MSANTD1: variants seen among roughly 807,000 people sequenced by gnomAD.
MSANTD1 encodes Myb/SANT DNA binding domain containing 1, also known as myb/SANT-like DNA-binding domain-containing protein 1.
MSANTD1 carries 7 observed loss-of-function variants against 24.2 expected under a neutral mutation model. That is an observed-to-expected ratio of 0.29 (90% CI 0.16 to 0.54). MSANTD1 has a LOEUF of 0.54. Ranked by LOEUF, MSANTD1 falls within the 20% of genes least tolerant of loss-of-function variation. The pLI is 0.94. For synonymous variants in MSANTD1, 177 were observed against 181.1 expected, an observed-to-expected ratio of 0.98 and a Z score of 0.18; for missense variants, 384 against 408.2, an observed-to-expected ratio of 0.94 and a Z score of 0.51.
chr4:3,251,100 G>C (rs1722213951), intron 1 of MSANTD1, among the ~76,000 whole-genome samples: 1 of 152,232 alleles, frequency 6.6e-6, no homozygotes, highest in Admixed American at 6.5e-5. Flanking sequence ...GAGGGCTGAG[G>C]TGTGAGCCTG....
rs751086991 is a variant in MSANTD1, at chr4:3,249,332, C to A, written c.110C>A (p.Ala37Glu). Residue 37 changes from alanine (A) to glutamate (E), a missense_variant, in exon 1 of 3, where the codon GCG becomes GAG. By Grantham distance (107) the Ala-to-Glu change is moderately radical (BLOSUM62 -1). Transcript: ENST00000438480. ...CCCGGCTACCTCGTGTCTCCCCAGG[C>A]GGAGAAGCACCGGCGGGCCCGCAAC... is the stretch of plus-strand genomic sequence containing the variant. Reference protein sequence around the residue: ...EGPGYLVSPQAEKHRRARNWT... With the variant: ...EGPGYLVSPQEEKHRRARNWT... The A allele has an allele frequency of 1.9e-6, 3 of 1,553,542 alleles. No individual in the cohort carries two copies. The highest frequency in any genetic ancestry group is 4.8e-5 in the East Asian group (2 of 41,530).
chr4:3,249,260 C>T lies in MSANTD1; in HGVS notation c.38C>T (p.Ala13Val), dbSNP rs551818024. The change falls in exon 1 of 3, where the codon GCG (alanine) becomes GTG (valine). Residue 13 changes from alanine (A) to valine (V), a missense_variant. By Grantham distance (64) the Ala-to-Val change is moderately conservative. Coordinates refer to ENST00000438480, the MANE Select transcript of MSANTD1 (RefSeq NM_001042690.2). ...RGAGPGPSLSALSHPTGASGM... is the reference protein window; with the variant it reads ...RGAGPGPSLSVLSHPTGASGM... ...GCCGGGCCGGGGCCCTCGCTGAGCG[C>T]GCTCTCTCACCCCACAGGCGCCTCC... 7.6e-5 allele frequency: 113 copies of T among 1,480,506 alleles called. 1 individual carries two copies. Among genetic ancestry groups the T allele is most frequent in the South Asian group, 1.2e-4 (9 of 74,878 alleles). The allele number at this position is 1,480,506 out of a possible 1,614,324, so 91.7% of individuals were successfully genotyped here. A position where few individuals can be genotyped will look rare whatever the true frequency, so the allele number is the denominator to read the frequency against.
chr4:3,250,680 G>A (rs1722196785), intron 1 of MSANTD1, among the ~76,000 whole-genome samples: 1 of 152,192 alleles, frequency 6.6e-6, no homozygotes, highest in African/African-American at 2.4e-5. Flanking sequence ...CTGGGCCTGG[G>A]GCTGCCGGAG....
chr4:3,253,484 T>C lies in MSANTD1; in HGVS notation c.596+2T>C. ...CAGCTTACTGTCCCTTAAGTTCAGG[T>C]AGTGTGTCTGCTTGTCCTTCCCCTG... is the stretch of plus-strand genomic sequence containing the variant. On this transcript the variant is annotated splice_donor_variant, in intron 2 of 2. Coordinates refer to ENST00000438480, the MANE Select transcript of MSANTD1 (RefSeq NM_001042690.2). LOFTEE classifies it high-confidence loss of function. 6.5e-7 allele frequency: 1 copy of C among 1,533,340 alleles called. No individual in the cohort carries two copies. The highest frequency in any genetic ancestry group is 8.8e-7 in the Non-Finnish European group (1 of 1,133,548). 95.0% of individuals were successfully genotyped at this position (1,533,340 alleles called of 1,614,324 possible).
upstream of MSANTD1, chr4:3,247,763 C>T (rs1722076218): frequency 6.6e-6 from 1 of 152,314 alleles, no homozygotes; most frequent in South Asian, 2.1e-4. Flanking sequence ...CACTTCCTAT[C>T]CTGACTGCGG....
At position 3,256,274 on chromosome 4, in the gene MSANTD1, G is replaced by A. The variant is rs1181032469; in HGVS notation, c.*309G>A. Reference sequence around the variant, plus strand: ...GTCGTTACTATCAATGATACTTGACGTGGCTTTGATATTAAACGTATACTT... The same window carrying A: ...GTCGTTACTATCAATGATACTTGACATGGCTTTGATATTAAACGTATACTT... On this transcript the variant is annotated 3_prime_UTR_variant, in exon 3 of 3. Coordinates refer to ENST00000438480, the MANE Select transcript of MSANTD1 (RefSeq NM_001042690.2). 2 of 250,742 alleles carry A rather than the reference G, an allele frequency of 8.0e-6. No homozygotes were observed. Among genetic ancestry groups the A allele is most frequent in the Non-Finnish European group, 1.5e-5 (2 of 131,886 alleles). 15.5% of individuals were successfully genotyped at this position (250,742 alleles called of 1,614,324 possible).
At chr4:3,246,379 C>T (rs1022922251), upstream of MSANTD1, among the ~76,000 whole-genome samples, 17 of 152,354 alleles carry the variant, frequency 1.1e-4, no homozygotes, top group South Asian at 2.1e-4. Flanking sequence ...TGGTCAGTCC[C>T]CATGTCCTGC....
intron 2 of MSANTD1, among the ~76,000 whole-genome samples, chr4:3,255,264 T>A (rs1042048174): frequency 2.0e-5 from 3 of 150,754 alleles, no homozygotes; most frequent in Admixed American, 6.6e-5. Flanking sequence ...GGAGTCTCGC[T>A]CTTGTGCAGA....
chr4:3,255,830 C>A lies in MSANTD1; in HGVS notation c.702C>A (p.Ser234Arg). Residue 234 changes from serine (S) to arginine (R), a missense_variant, in exon 3 of 3, where the codon AGC (serine) becomes AGA (arginine). Ser to Arg is a moderately radical substitution (Grantham distance 110). Transcript: ENST00000438480. ...EAMVEEQRRLSRAVEETCREV... is the reference protein window; with the variant it reads ...EAMVEEQRRLRRAVEETCREV... ...TGGTGGAGGAGCAGCGCCGGCTGAG[C>A]CGCGCCGTGGAGGAGACCTGCCGCG... 6.5e-7 allele frequency: 1 copy of A among 1,545,644 alleles called. No individual in the cohort carries two copies. The highest frequency in any genetic ancestry group is 2.0e-5 in the Admixed American group (1 of 50,990).
intron 2 of MSANTD1, 67 bp from the exon 3 acceptor site, chr4:3,255,658 C>T: frequency 6.9e-7 from 1 of 1,443,670 alleles, no homozygotes; most frequent in Non-Finnish European, 9.1e-7. Context: ...TCGGGAGGGT[C>T]CGGTGAGGCC....
intron 1 of MSANTD1, among the ~76,000 whole-genome samples, chr4:3,252,210 C>T (rs1487736540): frequency 6.6e-6 from 1 of 152,206 alleles, no homozygotes; most frequent in Non-Finnish European, 1.5e-5. Context: ...GCAGAGATGC[C>T]CCTGCCCCAC....
Position 3,256,148 on chromosome 4 carries a change from C to T in MSANTD1, c.*183C>T, listed in dbSNP as rs1722386468. On this transcript the variant is annotated 3_prime_UTR_variant, in exon 3 of 3. Coordinates refer to ENST00000438480, the MANE Select transcript of MSANTD1 (RefSeq NM_001042690.2). ...TTGAGGAACCCCCAGGCCCTGGGGA[C>T]CGTGAGGCTCCAGTCTCCAGCATGA... 2 of 649,262 alleles carry T rather than the reference C, an allele frequency of 3.1e-6. No homozygotes were observed. Among genetic ancestry groups the T allele is most frequent in the Admixed American group, 3.8e-5 (1 of 26,214 alleles). 40.2% of individuals were successfully genotyped at this position (649,262 alleles called of 1,614,324 possible).
chr4:3,255,836 C>T lies in MSANTD1; in HGVS notation c.708C>T (p.Ala236=), dbSNP rs373710910. 45 of 1,545,508 alleles carry T rather than the reference C, an allele frequency of 2.9e-5. No homozygotes were observed. The Admixed American group carries it at 4.1e-4, about 14-fold the overall frequency. ...AGGAGCAGCGCCGGCTGAGCCGCGC[C>T]GTGGAGGAGACCTGCCGCGAGGTGC... The part of the protein sequence containing the change: ...MVEEQRRLSR[A]VEETCREVRR... Residue 236 remains alanine, a synonymous_variant, in exon 3 of 3, where the codon GCC becomes GCT. Coordinates refer to ENST00000438480, the MANE Select transcript of MSANTD1 (RefSeq NM_001042690.2).
At chr4:3,245,858 C>T (rs1400501414), upstream of MSANTD1, among the ~76,000 whole-genome samples, 1 of 152,164 alleles carries the variant, frequency 6.6e-6, no homozygotes, top group Non-Finnish European at 1.5e-5. Flanking sequence ...GTGTCCTGGT[C>T]GGGGGTGTCT....
intron 1 of MSANTD1, among the ~76,000 whole-genome samples, chr4:3,252,211 C>T (rs1722249742): frequency 6.6e-6 from 1 of 152,214 alleles, no homozygotes; most frequent in Non-Finnish European, 1.5e-5. Context: ...CAGAGATGCC[C>T]CTGCCCCACC....
upstream of MSANTD1, among the ~76,000 whole-genome samples, chr4:3,247,291 G>A (rs1051355865): frequency 2.6e-5 from 4 of 152,150 alleles, no homozygotes; most frequent in Non-Finnish European, 2.9e-5. Context: ...ATGCTGAGTC[G>A]CTAGAGCTGC....
chr4:3,247,846 C>G (rs964133370), upstream of MSANTD1: 1 of 152,288 alleles, frequency 6.6e-6, no homozygotes. Flanking sequence ...CGCCATGCCC[C>G]TGCCCTGTCC....
intron 1 of MSANTD1, among the ~76,000 whole-genome samples, chr4:3,250,583 C>T (rs778611182): frequency 2.0e-5 from 3 of 152,124 alleles, no homozygotes; most frequent in Admixed American, 6.5e-5. Flanking sequence ...GGGTCTTGCA[C>T]GGAGCGAGGG....
chr4:3,248,580 G>A (rs541029603), upstream of MSANTD1: 1 of 152,556 alleles, frequency 6.6e-6, no homozygotes, highest in East Asian at 1.9e-4. Flanking sequence ...GGCTTCCAGT[G>A]TCCACAGACC....
Sources: allele counts gnomAD v4.1 joint callset (sites outside exome capture counted in the v4.1 genomes callset), GRCh38; gene constraint gnomAD v4.1.1; transcripts MANE v1.5; gene names NCBI Gene and HGNC (gene_info 2026-07-23, HGNC 2026-07-21).